The following GLIS3 variants were observed in gnomAD, a reference collection of about 807,000 sequenced individuals.
GLIS3 encodes zinc finger protein GLIS3.
A neutral mutation model predicts 78.6 loss-of-function variants in GLIS3; 53 were observed. That is an observed-to-expected ratio of 0.67 (90% CI 0.54 to 0.85). The LOEUF is 0.85. GLIS3 is among the 40% of genes least tolerant of loss of function. The probability of loss-of-function intolerance (pLI) is 0.00; values close to 1 mark genes in which losing one functional copy is unlikely to be tolerated. For synonymous variants in GLIS3, 684 were observed against 509.9 expected (o/e 1.34, Z -4.60); for missense variants, 1,703 against 1,231.1 (o/e 1.38, Z -5.74).
chr9:4,467,702 A>G, the GLIS3 span, among the ~76,000 whole-genome samples: 16,994 of 152,234 alleles, frequency 0.11, 1,046 homozygotes, highest in Admixed American at 0.16. Context: ...GAAAAGCTGA[A>G]AATTCTAAAA....
At chr9:4,443,828 G>T in the GLIS3 span, among the ~76,000 whole-genome samples, 2 of 152,182 alleles carry the variant, frequency 1.3e-5, no homozygotes, top group South Asian at 2.1e-4. Flanking sequence ...AATGCAAGAA[G>T]AAATAACTTA....
At chr9:4,110,131 C>T (rs368955779) in intron 4 of GLIS3, among the ~76,000 whole-genome samples, 2 of 152,160 alleles carry the variant, frequency 1.3e-5, no homozygotes, top group African/African-American at 2.4e-5. Flanking sequence ...AGTGATCAAA[C>T]GAATGAATCA....
chr9:4,375,797 T>C, the GLIS3 span, among the ~76,000 whole-genome samples: 2 of 152,138 alleles, frequency 1.3e-5, no homozygotes, highest in African/African-American at 2.4e-5. Flanking sequence ...TCTAAAACAC[T>C]AGTACTTGAC....
At chr9:3,917,073 T>C (rs1042148078) in intron 6 of GLIS3, among the ~76,000 whole-genome samples, 2 of 152,188 alleles carry the variant, frequency 1.3e-5, no homozygotes, top group African/African-American at 4.8e-5. Context: ...TTCTCAAATG[T>C]TGCAATACCA....
intron 4 of GLIS3, among the ~76,000 whole-genome samples, chr9:3,955,203 C>A (rs557417762): frequency 5.9e-5 from 9 of 152,282 alleles, no homozygotes; most frequent in Admixed American, 5.9e-4. Context: ...AGATGGCCCG[C>A]ATGAGTCAGG....
the GLIS3 span, among the ~76,000 whole-genome samples, chr9:4,440,352 T>G: frequency 1.9e-4 from 29 of 152,228 alleles, 1 homozygote. Flanking sequence ...GTAATCCATT[T>G]TGAGTTCATT....
At chr9:4,385,801 GAAAGAAAGA>G in the GLIS3 span, among the ~76,000 whole-genome samples, 289 of 65,966 alleles carry the variant, frequency 4.4e-3, 4 homozygotes, top group African/African-American at 0.02. Flanking sequence ...AAGAAAGAAA[GAAAGAAAGA>G]AAAGAAAGAA....
Position 3,932,347 on chromosome 9 carries a change from C to T in GLIS3, c.1983+13G>A. 6.3e-7 allele frequency: 1 copy of T among 1,590,782 alleles called. No homozygotes were observed. The highest frequency in any genetic ancestry group is 2.2e-5 in the East Asian group (1 of 44,722). Reference sequence around the variant, plus strand: ...ATGCTTTTCCCGACTGGAAGATTCTCTTTTAAAATTACCTTTTTCCTTGCT... The same window carrying T: ...ATGCTTTTCCCGACTGGAAGATTCTTTTTTAAAATTACCTTTTTCCTTGCT... On this transcript the variant is annotated intron_variant, in intron 6 of 10. Coordinates refer to ENST00000381971, the MANE Select transcript of GLIS3 (RefSeq NM_001042413.2).
intron 4 of GLIS3, among the ~76,000 whole-genome samples, chr9:4,014,090 C>G (rs191610394): frequency 5.2e-4 from 79 of 152,242 alleles, no homozygotes; most frequent in African/African-American, 1.8e-3. Flanking sequence ...CAAGATAACC[C>G]GCATGAACTC....
intron 4 of GLIS3, among the ~76,000 whole-genome samples, chr9:3,974,686 TC>T (rs954920087): frequency 2.0e-5 from 3 of 152,148 alleles, no homozygotes; most frequent in Non-Finnish European, 4.4e-5. Context: ...TATTTTTTTT[TC>T]CACCTAGGAA....
At chr9:4,241,388 T>G (rs981051426) in intron 2 of GLIS3, among the ~76,000 whole-genome samples, 53 of 152,314 alleles carry the variant, frequency 3.5e-4, no homozygotes, top group African/African-American at 1.3e-3. Flanking sequence ...GACCTAGTGT[T>G]TGATACATCA....
intron 2 of GLIS3, among the ~76,000 whole-genome samples, chr9:4,187,898 G>A (rs9697079): frequency 0.29 from 43,224 of 151,266 alleles, 7,139 homozygotes; most frequent in South Asian, 0.53. Context: ...CATTTTGGGC[G>A]GAGACCATGG....
the GLIS3 span, among the ~76,000 whole-genome samples, chr9:4,397,519 T>G: frequency 1.3e-5 from 2 of 151,420 alleles, no homozygotes; most frequent in Admixed American, 1.3e-4. Flanking sequence ...ACCCAGAAAC[T>G]GTTGAAGAAA....
chr9:4,386,210 A>G, the GLIS3 span, among the ~76,000 whole-genome samples: 1 of 152,300 alleles, frequency 6.6e-6, no homozygotes, highest in African/African-American at 2.4e-5. Context: ...CCCTACTCAG[A>G]AGGAGCTTTG....
At chr9:4,012,653 G>A (rs1303165258) in intron 4 of GLIS3, among the ~76,000 whole-genome samples, 2 of 151,824 alleles carry the variant, frequency 1.3e-5, no homozygotes, top group Non-Finnish European at 2.9e-5. Context: ...TTTATGAGCT[G>A]CCAGGAAATG....
At chr9:4,409,702 G>A in the GLIS3 span, among the ~76,000 whole-genome samples, 1 of 152,232 alleles carries the variant, frequency 6.6e-6, no homozygotes, top group East Asian at 1.9e-4. Context: ...TATTAAATAT[G>A]GGTTGAAGAA....
chr9:3,926,208 C>T (rs370023902), intron 6 of GLIS3, among the ~76,000 whole-genome samples: 27 of 150,958 alleles, frequency 1.8e-4, no homozygotes, highest in Admixed American at 4.6e-4. Context: ...TACAGTATTG[C>T]GACTAAAGCA....
the GLIS3 span, among the ~76,000 whole-genome samples, chr9:4,437,466 ATC>A: frequency 1.4e-4 from 15 of 105,620 alleles, no homozygotes; most frequent in Non-Finnish European, 2.6e-4. Flanking sequence ...CTATCTATCT[ATC>A]TATATATCAT....
the GLIS3 span, chr9:4,490,356 C>T: frequency 5.4e-6 from 1 of 186,504 alleles, no homozygotes; most frequent in Non-Finnish European, 1.1e-5. Context: ...GGGCGTCCCA[C>T]GCACGCACCC....
Sources: allele counts gnomAD v4.1 joint callset (sites outside exome capture counted in the v4.1 genomes callset), GRCh38; gene constraint gnomAD v4.1.1; transcripts MANE v1.5; gene names NCBI Gene and HGNC (gene_info 2026-07-23, HGNC 2026-07-21).